Variants in MTMR14 observed in about 807,000 individuals in gnomAD.
MTMR14 encodes myotubularin related protein 14, also known as phosphatidylinositol-3,5-bisphosphate 3-phosphatase MTMR14.
In MTMR14, 48 loss-of-function variants were observed where a neutral mutation model predicts 86.3. The observed-to-expected ratio is 0.56, with a 90% CI of 0.44 to 0.71. MTMR14 has a LOEUF of 0.71. Ranked by LOEUF, MTMR14 falls within the 30% of genes least tolerant of loss-of-function variation. The pLI is 0.00. For missense variants in MTMR14, 780 were observed against 834.6 expected (o/e 0.93, Z 0.81); for synonymous variants, 366 against 326.1 (o/e 1.12, Z -1.32).
chr3:9,699,113 C>T (rs563211308), intron 18 of MTMR14, among the ~76,000 whole-genome samples: 21 of 150,292 alleles, frequency 1.4e-4, no homozygotes, highest in Middle Eastern at 3.4e-3. Flanking sequence ...CGGAGGTTGC[C>T]GTGAGTCGAG....
Position 9,688,858 on chromosome 3 carries a change from T to C in MTMR14, c.1295-86T>C, listed in dbSNP as rs1487784186. The C allele has an allele frequency of 2.5e-6, 4 of 1,601,884 alleles. No homozygotes were observed. In the East Asian group the frequency reaches 6.7e-5, roughly 27 times the overall value. ...AAGAGGTTTTTTGTTTTTTTTTTTT[T>C]CTTCCCAGTTATGTGGTATAGAAAA... On this transcript the variant is annotated intron_variant, in intron 15 of 18. Transcript: ENST00000296003.
chr3:9,694,280 T>C (rs2076219208), intron 17 of MTMR14, among the ~76,000 whole-genome samples: 1 of 152,140 alleles, frequency 6.6e-6, no homozygotes, highest in Non-Finnish European at 1.5e-5. Context: ...CTTTCTGAGC[T>C]CAGTTATTTT....
chr3:9,659,445 T>C (rs1286075655), intron 2 of MTMR14, among the ~76,000 whole-genome samples: 1 of 109,380 alleles, frequency 9.1e-6, no homozygotes, highest in African/African-American at 6.3e-5. Flanking sequence ...GAATTGGTTC[T>C]TTTTTTTTTT....
rs1348791233 is a variant in MTMR14 at position 9,653,716 on chromosome 3, T to C, written c.255T>C (p.Tyr85=). Residue 85 remains tyrosine (Y), a synonymous_variant, in exon 2 of 19, where the codon TAT becomes TAC. Transcript: ENST00000296003. ...CGAATGGGGATATCTGTGGCCACTA[T>C]CCCCGGCACATCGTGTTCCTGGAGT... The part of the protein sequence containing the change: ...PNTNGDICGH[Y]PRHIVFLEYE... The C allele has an allele frequency of 6.2e-7, 1 of 1,614,140 alleles. No homozygotes were observed.
intron 2 of MTMR14, among the ~76,000 whole-genome samples, chr3:9,660,630 C>T (rs2047876903): frequency 6.6e-6 from 1 of 152,088 alleles, no homozygotes; most frequent in African/African-American, 2.4e-5. Flanking sequence ...TAACAGCATC[C>T]AGATACATTT....
intron 9 of MTMR14, among the ~76,000 whole-genome samples, chr3:9,679,433 C>G (rs1006763806): frequency 6.6e-6 from 1 of 152,218 alleles, no homozygotes; most frequent in African/African-American, 2.4e-5. Context: ...CACCCTCTTT[C>G]TGGTCCCTTC....
At chr3:9,679,493 A>C (rs533485785) in intron 9 of MTMR14, among the ~76,000 whole-genome samples, 1 of 152,240 alleles carries the variant, frequency 6.6e-6, no homozygotes, top group Admixed American at 6.5e-5. Flanking sequence ...CTGATGAACT[A>C]CTCAGCAAAT....
At chr3:9,663,896 C>T (rs1574961864) in intron 3 of MTMR14, among the ~76,000 whole-genome samples, 2 of 151,938 alleles carry the variant, frequency 1.3e-5, no homozygotes, top group African/African-American at 4.8e-5. Flanking sequence ...TCAAGCAATT[C>T]TCCTGCCTCA....
At chr3:9,680,800 A>G (rs192291945) in intron 9 of MTMR14, among the ~76,000 whole-genome samples, 48 of 152,318 alleles carry the variant, frequency 3.2e-4, no homozygotes, top group Admixed American at 7.8e-4. Flanking sequence ...TCGCGCCACT[A>G]CACTCCAGCC....
Position 9,684,959 on chromosome 3 carries a change from C to T in MTMR14, c.1122C>T (p.Leu374=), listed in dbSNP as rs1037035012. 3 of 1,614,008 alleles carry T rather than the reference C, an allele frequency of 1.9e-6. No homozygotes were observed. Among genetic ancestry groups the T allele is most frequent in the African/African-American group, 2.7e-5 (2 of 74,902 alleles). The part of the protein sequence containing the change: ...LYLTVAYDWF[L]FGHMLVDRLS... ...TCACTGTGGCCTATGACTGGTTCCTCTTCGGGTAAGCCTTTGCAGGAGTTG... is the reference window on the plus strand; with the variant it reads ...TCACTGTGGCCTATGACTGGTTCCTTTTCGGGTAAGCCTTTGCAGGAGTTG... Residue 374 remains leucine (L), a synonymous_variant, in exon 12 of 19, where the codon CTC becomes CTT. Coordinates refer to ENST00000296003, the MANE Select transcript of MTMR14 (RefSeq NM_001077525.3).
chr3:9,677,822 A>C lies in MTMR14; in HGVS notation c.823-162A>C, dbSNP rs1325449477. Among the ~76,000 whole-genome samples, 1 of 152,168 alleles carries C rather than the reference A, an allele frequency of 6.6e-6. No individual in the cohort carries two copies. The highest frequency in any genetic ancestry group is 1.5e-5 in the Non-Finnish European group (1 of 68,026). Reference sequence around the variant, plus strand: ...CCTACTCAGCTATACTGATCTGGTCACATTGATTTTTAAGCTGTCACTCCC... The same window carrying C: ...CCTACTCAGCTATACTGATCTGGTCCCATTGATTTTTAAGCTGTCACTCCC... On this transcript the variant is annotated intron_variant, in intron 8 of 18. Coordinates refer to ENST00000296003, the MANE Select transcript of MTMR14 (RefSeq NM_001077525.3). The surrounding 1 kb of genome is among the most constrained non-coding windows in gnomAD (Gnocchi z 4.2).
intron 1 of MTMR14, among the ~76,000 whole-genome samples, chr3:9,651,827 G>T (rs1195015317): frequency 2.0e-5 from 3 of 150,408 alleles, no homozygotes; most frequent in Non-Finnish European, 4.4e-5. Context: ...CATCATGCCT[G>T]GCTAATTTTT....
chr3:9,674,950 A>G (rs1289756675), intron 7 of MTMR14, among the ~76,000 whole-genome samples: 4 of 152,352 alleles, frequency 2.6e-5, no homozygotes, highest in South Asian at 4.1e-4. Flanking sequence ...TATCTCTACT[A>G]AAAATACAAA....
chr3:9,662,242 C>A, intron 2 of MTMR14, 25 bp from the exon 3 acceptor site: 1 of 1,603,210 alleles, frequency 6.2e-7, no homozygotes, highest in Non-Finnish European at 8.5e-7. Context: ...GTCAGCTTGA[C>A]CTGCTTCTCT....
intron 9 of MTMR14, among the ~76,000 whole-genome samples, chr3:9,681,646 G>A (rs1156297183): frequency 2.0e-5 from 3 of 152,212 alleles, no homozygotes; most frequent in Admixed American, 1.3e-4. Flanking sequence ...CATGAAGCAC[G>A]TAGGATGAGA....
intron 17 of MTMR14, among the ~76,000 whole-genome samples, chr3:9,690,914 G>A (rs1163432342): frequency 1.3e-5 from 2 of 152,162 alleles, no homozygotes; most frequent in African/African-American, 4.8e-5. Flanking sequence ...CATGAGCTTT[G>A]GCATCCATCC....
intron 1 of MTMR14, among the ~76,000 whole-genome samples, chr3:9,652,433 C>A (rs942446748): frequency 6.6e-6 from 1 of 152,132 alleles, no homozygotes; most frequent in African/African-American, 2.4e-5. Context: ...TGGAATAGAG[C>A]TTGTAGGTAC....
chr3:9,661,057 A>G (rs2125035092), intron 2 of MTMR14, among the ~76,000 whole-genome samples: 1 of 152,290 alleles, frequency 6.6e-6, no homozygotes, highest in East Asian at 1.9e-4. Flanking sequence ...AAGCTCACTT[A>G]CCAAGCCCAG....
chr3:9,672,832 T>G, intron 7 of MTMR14, 74 bp downstream of exon 7: 1 of 1,375,182 alleles, frequency 7.3e-7, no homozygotes, highest in Non-Finnish European at 1.0e-6. Context: ...CCCTCTCTAC[T>G]TAGTTACACT....
Sources: gnomAD v4.1 joint callset for allele counts (sites outside exome capture counted in the v4.1 genomes callset) on GRCh38, gnomAD v4.1.1 for gene constraint, Gnocchi (gnomAD v3.1) non-coding constraint, MANE v1.5 for transcripts, NCBI Gene and HGNC (gene_info 2026-07-23, HGNC 2026-07-21) for gene names.